The following GPR158 variants were observed in gnomAD, a reference collection of about 807,000 sequenced individuals.
GPR158 encodes metabotropic glycine receptor.
Under a neutral mutation model 78.2 loss-of-function variants are expected in GPR158, and 30 were observed. The ratio of observed to expected loss-of-function variants is 0.38; its 90% CI spans 0.29 to 0.52. GPR158 has a LOEUF of 0.52. GPR158 is among the 20% of genes least tolerant of loss of function. The pLI is 0.83. For synonymous variants in GPR158, 581 were observed against 591.1 expected (o/e 0.98, Z 0.25); for missense variants, 1,463 against 1,523.5 (o/e 0.96, Z 0.66).
At chr10:25,184,008 T>C (rs1852648701) in intron 1 of GPR158, among the ~76,000 whole-genome samples, 1 of 152,216 alleles carries the variant, frequency 6.6e-6, no homozygotes, top group Non-Finnish European at 1.5e-5. Flanking sequence ...TGGTACACAA[T>C]ATAACAAGGC....
intron 2 of GPR158, among the ~76,000 whole-genome samples, chr10:25,275,258 G>C (rs1207208069): frequency 2.0e-5 from 3 of 152,082 alleles, no homozygotes; most frequent in Non-Finnish European, 2.9e-5. Flanking sequence ...CAATCATCTG[G>C]GGAACCTGTC....
At chr10:25,251,012 A>G (rs1003266278) in intron 2 of GPR158, among the ~76,000 whole-genome samples, 5 of 151,698 alleles carry the variant, frequency 3.3e-5, no homozygotes, top group Admixed American at 1.3e-4. Context: ...TTGGGTGCAT[A>G]TATATTTAGG....
chr10:25,444,418 AGTGTATGTGT>A (rs1835110324), intron 4 of GPR158, among the ~76,000 whole-genome samples: 1 of 147,432 alleles, frequency 6.8e-6, no homozygotes, highest in South Asian at 2.1e-4. Flanking sequence ...GGTGAGTGTG[AGTGTATGTGT>A]GTGTATGTGG....
intron 4 of GPR158, among the ~76,000 whole-genome samples, chr10:25,452,994 T>C (rs1256152847): frequency 6.6e-6 from 1 of 152,210 alleles, no homozygotes; most frequent in African/African-American, 2.4e-5. Flanking sequence ...TCTTTCTCTG[T>C]CTGGCTTATT....
At chr10:25,377,953 C>G (rs1308055588) in intron 2 of GPR158, among the ~76,000 whole-genome samples, 2 of 152,092 alleles carry the variant, frequency 1.3e-5, no homozygotes, top group East Asian at 1.9e-4. Flanking sequence ...GACTACTAAA[C>G]TGTTCCAAAA....
In GPR158 at chr10:25,599,409, T is replaced by C. The variant is rs979602344; in HGVS notation, c.*135T>C. On this transcript the variant is annotated 3_prime_UTR_variant, in exon 11 of 11. Coordinates refer to ENST00000376351, the MANE Select transcript of GPR158 (RefSeq NM_020752.3). ...AGATGGTGAGGTAAAGTCAAAGGCA[T>C]GGGTAGAAGAGGACCAGGGGGGCAA... The C allele has an allele frequency of 9.1e-5, 64 of 701,430 alleles. 2 individuals carry two copies. In the Middle Eastern group the frequency reaches 1.0e-3, roughly 11 times the overall value. The allele number at this position is 701,430 out of a possible 1,614,324, so 43.5% of individuals were successfully genotyped here.
intron 1 of GPR158, among the ~76,000 whole-genome samples, chr10:25,209,202 G>A (rs764791069): frequency 1.3e-5 from 2 of 152,072 alleles, no homozygotes; most frequent in African/African-American, 2.4e-5. Flanking sequence ...TATGTAAATT[G>A]TATGGAATAT....
intron 2 of GPR158, among the ~76,000 whole-genome samples, chr10:25,236,872 C>A (rs1246860165): frequency 6.6e-6 from 1 of 152,126 alleles, no homozygotes; most frequent in Non-Finnish European, 1.5e-5. Flanking sequence ...CCTTTCCTTT[C>A]ACTTTGTCAA....
At chr10:25,484,712 A>G (rs1341193008) in intron 5 of GPR158, among the ~76,000 whole-genome samples, 1 of 152,216 alleles carries the variant, frequency 6.6e-6, no homozygotes, top group African/African-American at 2.4e-5. Flanking sequence ...CTCTTTCTAT[A>G]GTTAATGTCT....
intron 1 of GPR158, among the ~76,000 whole-genome samples, chr10:25,186,942 G>A (rs1040127052): frequency 1.8e-4 from 27 of 149,814 alleles, no homozygotes; most frequent in African/African-American, 6.4e-4. Flanking sequence ...TTTAGAAAGA[G>A]GGAATCCTCC....
At chr10:25,431,233 A>G (rs1834899935) in intron 4 of GPR158, among the ~76,000 whole-genome samples, 1 of 85,376 alleles carries the variant, frequency 1.2e-5, no homozygotes. Flanking sequence ...GAAGACATTT[A>G]TGCAGCCAAA....
intron 4 of GPR158, 148 bp from the exon 5 acceptor site, chr10:25,466,503 C>A: frequency 1.9e-6 from 1 of 525,568 alleles, no homozygotes. Context: ...AGTTTTTTAC[C>A]CACCTGAATA....
intron 4 of GPR158, among the ~76,000 whole-genome samples, chr10:25,413,039 A>G (rs564135820): frequency 6.1e-4 from 93 of 152,314 alleles, no homozygotes; most frequent in African/African-American, 2.0e-3. Flanking sequence ...GAGTAGTACA[A>G]TCCAGGAGCA....
At chr10:25,331,104 T>C (rs1855113628) in intron 2 of GPR158, among the ~76,000 whole-genome samples, 1 of 151,064 alleles carries the variant, frequency 6.6e-6, no homozygotes, top group African/African-American at 2.5e-5. Flanking sequence ...GCCTAGCTTT[T>C]ATATATATAT....
In GPR158 at chr10:25,175,541, A is replaced by G. The variant is rs762347005; in HGVS notation, c.121A>G (p.Lys41Glu). ...GGATTCCCCTCGAGAGAGGACCCCG[A>G]AGGGGAAGCCGCACGCCCAGCAGCC... ...RPDSPRERTP[K>E]GKPHAQQPGR... The change falls in exon 1 of 11, where the codon AAG becomes GAG. Residue 41 changes from lysine (K) to glutamate (E), a missense_variant. Physicochemically the swap from Lys to Glu is moderately conservative, Grantham distance 56. Coordinates refer to ENST00000376351, the MANE Select transcript of GPR158 (RefSeq NM_020752.3). This position sits in a 1 kb window ranked among gnomAD's most constrained non-coding sequence, Gnocchi z 6.4. 1 of 1,611,750 alleles carries G rather than the reference A, an allele frequency of 6.2e-7. No homozygotes were observed. The highest frequency in any genetic ancestry group is 8.5e-7 in the Non-Finnish European group (1 of 1,179,830).
At chr10:25,184,634 C>A (rs191848597) in intron 1 of GPR158, among the ~76,000 whole-genome samples, 2 of 152,116 alleles carry the variant, frequency 1.3e-5, no homozygotes, top group East Asian at 3.8e-4. Flanking sequence ...ATTTTTCTCA[C>A]GTTATCTGGC....
intron 6 of GPR158, among the ~76,000 whole-genome samples, chr10:25,570,631 C>T (rs901838297): frequency 1.3e-5 from 2 of 152,060 alleles, no homozygotes; most frequent in African/African-American, 4.8e-5. Flanking sequence ...AGTCTCCTTG[C>T]GTGGGCACGG....
At chr10:25,569,961 A>G (rs1397505603) in intron 6 of GPR158, among the ~76,000 whole-genome samples, 3 of 152,212 alleles carry the variant, frequency 2.0e-5, no homozygotes, top group East Asian at 1.9e-4. Context: ...AAATGTTTAC[A>G]TTAAGAGTAA....
At chr10:25,262,348 G>T (rs967315856) in intron 2 of GPR158, among the ~76,000 whole-genome samples, 4 of 152,014 alleles carry the variant, frequency 2.6e-5, no homozygotes, top group African/African-American at 9.7e-5. Context: ...TTCCTCAGGG[G>T]AACATTGTGT....
Sources: allele counts gnomAD v4.1 joint callset (sites outside exome capture counted in the v4.1 genomes callset), GRCh38; gene constraint gnomAD v4.1.1; non-coding constraint Gnocchi (gnomAD v3.1); transcripts MANE v1.5; gene names NCBI Gene and HGNC (gene_info 2026-07-23, HGNC 2026-07-21).